NPEPL1: variants seen among roughly 807,000 people sequenced by gnomAD.
The protein encoded by NPEPL1 is aminopeptidase like 1.
A neutral mutation model predicts 52.4 loss-of-function variants in NPEPL1; 45 were observed. That is an observed-to-expected ratio of 0.86 (90% CI 0.68 to 1.10). The LOEUF (loss-of-function observed/expected upper bound fraction) is 1.10, where lower values mean the gene tolerates loss of function less well. Among genes scored for constraint, NPEPL1 ranks in the 50% least tolerant of loss-of-function variants. The probability of loss-of-function intolerance (pLI) is 0.00; values close to 1 mark genes in which losing one functional copy is unlikely to be tolerated. For synonymous variants in NPEPL1, 360 were observed against 314.7 expected, an observed-to-expected ratio of 1.14 and a Z score of -1.52; for missense variants, 696 against 710.9, an observed-to-expected ratio of 0.98 and a Z score of 0.24.
chr20:58,714,976 TG>T, intron 11 of NPEPL1, 191 bp from the exon 12 acceptor site: 1 of 682,012 alleles, frequency 1.5e-6, no homozygotes. Context: ...TGCCTACGCC[TG>T]GCCTGCCAGC....
intron 6 of NPEPL1, among the ~76,000 whole-genome samples, chr20:58,706,757 G>A (rs891588761): frequency 2.0e-5 from 3 of 152,188 alleles, no homozygotes; most frequent in Admixed American, 6.5e-5. Flanking sequence ...GGTGCCCGGC[G>A]TCAAAGCACG....
At chr20:58,703,061 G>A (rs1301862647) in intron 6 of NPEPL1, among the ~76,000 whole-genome samples, 5 of 152,142 alleles carry the variant, frequency 3.3e-5, no homozygotes, top group Admixed American at 1.3e-4. Context: ...CCTCTGTTTC[G>A]ACACCGGGAG....
Position 58,715,253 on chromosome 20 carries a change from C to T in NPEPL1, c.1499C>T (p.Ser500Phe), listed in dbSNP as rs2123160924. ...GAGGACCCTCTGCTGAACCTGGTGT[C>T]CCCACTGGGCTGTGAGGTGGATGTC... ...ASEDPLLNLV[S>F]PLGCEVDVEE... The change falls in exon 12 of 12, where the codon TCC becomes TTC. Residue 500 changes from serine (S) to phenylalanine (F), a missense_variant. Physicochemically the swap from Ser to Phe is radical, Grantham distance 155. Coordinates refer to ENST00000356091, the MANE Select transcript of NPEPL1 (RefSeq NM_024663.4). 6.2e-7 allele frequency: 1 copy of T among 1,610,706 alleles called. No homozygotes were observed. Among genetic ancestry groups the T allele is most frequent in the East Asian group, 2.2e-5 (1 of 44,838 alleles).
chr20:58,706,518 C>A (rs1432312189), intron 6 of NPEPL1, among the ~76,000 whole-genome samples: 1 of 152,170 alleles, frequency 6.6e-6, no homozygotes, highest in Non-Finnish European at 1.5e-5. Context: ...GTTTGCATTG[C>A]GGCAGCAGCC....
chr20:58,714,197 A>G, intron 10 of NPEPL1, 104 bp downstream of exon 10: 1 of 1,321,682 alleles, frequency 7.6e-7, no homozygotes, highest in Non-Finnish European at 1.0e-6. Flanking sequence ...GGGGCCCCCC[A>G]GAAGCAGCCA....
intron 11 of NPEPL1, 98 bp from the exon 12 acceptor site, chr20:58,715,070 G>A: frequency 7.6e-7 from 1 of 1,324,148 alleles, no homozygotes; most frequent in Non-Finnish European, 1.0e-6. Context: ...GGGGACTGTG[G>A]GGCACGTGGA....
At chr20:58,701,674 G>T (rs1434325396) in intron 6 of NPEPL1, among the ~76,000 whole-genome samples, 6 of 152,174 alleles carry the variant, frequency 3.9e-5, no homozygotes, top group South Asian at 2.1e-4. Flanking sequence ...GTCCCGAGAA[G>T]AGAAGGGCAA....
At chr20:58,693,962 C>CACT in intron 2 of NPEPL1, 40 bp downstream of exon 2, 1 of 1,513,848 alleles carries the variant, frequency 6.6e-7, no homozygotes, top group Non-Finnish European at 8.9e-7. Flanking sequence ...TGCTCCTAGT[C>CACT]GGGCAGCGGT....
chr20:58,708,690 G>T (rs1387713223), intron 7 of NPEPL1, among the ~76,000 whole-genome samples: 2 of 152,218 alleles, frequency 1.3e-5, no homozygotes, highest in African/African-American at 4.8e-5. Flanking sequence ...AGGCCACGGG[G>T]CAGGGTGGCT....
intron 6 of NPEPL1, among the ~76,000 whole-genome samples, chr20:58,702,165 C>T (rs2084640389): frequency 6.6e-6 from 1 of 152,240 alleles, no homozygotes; most frequent in South Asian, 2.1e-4. Flanking sequence ...AATTAGCTAC[C>T]AATATTTGAA....
chr20:58,711,590 G>T (rs1476385735), intron 7 of NPEPL1: 1 of 152,388 alleles, frequency 6.6e-6, no homozygotes, highest in Non-Finnish European at 1.5e-5. Context: ...GGCCATCTGT[G>T]AGGCTCAAGG....
At chr20:58,698,858 T>G (rs921785653) in intron 4 of NPEPL1, 85 bp downstream of exon 4, 3 of 1,173,850 alleles carry the variant, frequency 2.6e-6, no homozygotes, top group East Asian at 4.8e-5. Flanking sequence ...AACCTGGGGC[T>G]GTCCACACCC....
chr20:58,713,763 C>G lies in NPEPL1; in HGVS notation c.1126-154C>G, dbSNP rs1450379733. On this transcript the variant is annotated intron_variant, in intron 9 of 11. Transcript: ENST00000356091. This position sits in a 1 kb window ranked among gnomAD's most constrained non-coding sequence, Gnocchi z 4.6. ...GAACCGCCTCCTGTGTGCTTCATGGCCATGGTCCTTTCTGCCTGTGTTTTT... is the reference window on the plus strand; with the variant it reads ...GAACCGCCTCCTGTGTGCTTCATGGGCATGGTCCTTTCTGCCTGTGTTTTT... 1 of 1,066,926 alleles carries G rather than the reference C, an allele frequency of 9.4e-7. No homozygotes were observed. The highest frequency in any genetic ancestry group is 1.3e-6 in the Non-Finnish European group (1 of 780,194). The allele number at this position is 1,066,926 out of a possible 1,614,324, so 66.1% of individuals were successfully genotyped here.
At position 58,714,602 on chromosome 20, in the gene NPEPL1, G is replaced by A. The variant is rs770304977; in HGVS notation, c.1345G>A (p.Ala449Thr). 3.1e-6 allele frequency: 5 copies of A among 1,596,146 alleles called. No homozygotes were observed. The highest frequency in any genetic ancestry group is 4.3e-6 in the Non-Finnish European group (5 of 1,173,254). The change falls in exon 11 of 12, where the codon GCC (alanine) becomes ACC (threonine). Residue 449 changes from alanine (A) to threonine (T), a missense_variant. Coordinates refer to ENST00000356091, the MANE Select transcript of NPEPL1 (RefSeq NM_024663.4). ...CAGCTCCTGTGCTGGCCTCTTCATC[G>A]CCTCACACATCGGCTTCGACTGGCC... ...SPSSCAGLFI[A>T]SHIGFDWPGV...
upstream of NPEPL1, chr20:58,690,972 T>C (rs988383676): frequency 1.5e-4 from 89 of 595,162 alleles, 1 homozygote; most frequent in Middle Eastern, 4.4e-4. Flanking sequence ...AGGAACCTTC[T>C]GTTCTAACCA....
At chr20:58,704,432 T>A in intron 6 of NPEPL1, 3 of 891,124 alleles carry the variant, frequency 3.4e-6, no homozygotes, top group Non-Finnish European at 2.7e-6. Flanking sequence ...TATAACAATG[T>A]CTATTGATAT....
In NPEPL1 at chr20:58,713,532, A is replaced by C; in HGVS notation, c.1114A>C (p.Thr372Pro). 2 of 1,606,410 alleles carry C rather than the reference A, an allele frequency of 1.2e-6. No homozygotes were observed. The highest frequency in any genetic ancestry group is 8.5e-7 in the Non-Finnish European group (1 of 1,175,894). Residue 372 changes from threonine to proline, a missense_variant, in exon 9 of 12, where the codon ACC (threonine) becomes CCC (proline). Thr to Pro is a conservative substitution (Grantham distance 38, BLOSUM62 -1). Transcript: ENST00000356091. This position sits in a 1 kb window ranked among gnomAD's most constrained non-coding sequence, Gnocchi z 4.6. Reference sequence around the variant, plus strand: ...CATCATCCTGGACATGGCCACCCTGACCGGGGCTCAGGTGAGTGCTCCCTG... The same window carrying C: ...CATCATCCTGGACATGGCCACCCTGCCCGGGGCTCAGGTGAGTGCTCCCTG... ...ADIILDMATL[T>P]GAQGIATGKY... is the part of the protein sequence containing the mutation.
chr20:58,691,155 C>T (rs1393980326), upstream of NPEPL1: 1 of 703,106 alleles, frequency 1.4e-6, no homozygotes, highest in South Asian at 1.5e-5. Flanking sequence ...TGTCTCAGTC[C>T]TCTGGAGTGC....
At chr20:58,691,693 C>CTTTTTTTTTTTTTTTTTTTTTTTTTTTG, upstream of NPEPL1, 1 of 561,314 alleles carries the variant, frequency 1.8e-6, no homozygotes, top group South Asian at 2.2e-5. Context: ...TTTTTCTTTT[C>CTTTTTTTTTTTTTTTTTTTTTTTTTTTG]TTTTTTTTTT....
Sources: gnomAD v4.1 joint callset for allele counts (sites outside exome capture counted in the v4.1 genomes callset) on GRCh38, gnomAD v4.1.1 for gene constraint, Gnocchi (gnomAD v3.1) non-coding constraint, MANE v1.5 for transcripts, NCBI Gene and HGNC (gene_info 2026-07-23, HGNC 2026-07-21) for gene names.